BNC2: variants seen among roughly 807,000 people sequenced by gnomAD.
BNC2 encodes zinc finger protein basonuclin-2.
Under a neutral mutation model 76.3 loss-of-function variants are expected in BNC2, and 20 were observed. That is an observed-to-expected ratio of 0.26 (90% CI 0.18 to 0.38). The LOEUF is 0.38. Among genes scored for constraint, BNC2 ranks in the 10% least tolerant of loss-of-function variants. The pLI is 1.00. For missense variants in BNC2, 1,382 were observed against 1,399.8 expected (o/e 0.99, Z 0.20); for synonymous variants, 582 against 514.8 (o/e 1.13, Z -1.77).
At chr9:16,738,313 C>T (rs564871893) in intron 2 of BNC2, 47 bp downstream of exon 2, 113 of 1,582,266 alleles carry the variant, frequency 7.1e-5, no homozygotes, top group South Asian at 1.2e-4. Flanking sequence ...TCAAAGAATG[C>T]AAGTGTGTCC....
intron 3 of BNC2, among the ~76,000 whole-genome samples, chr9:16,597,961 C>G (rs904134275): frequency 4.6e-5 from 7 of 152,074 alleles, no homozygotes; most frequent in Non-Finnish European, 1.0e-4. Flanking sequence ...GACTGCAAAT[C>G]AGTAATTTGT....
chr9:16,420,626 A>G (rs1201986276), intron 6 of BNC2, among the ~76,000 whole-genome samples: 1 of 152,066 alleles, frequency 6.6e-6, no homozygotes, highest in Non-Finnish European at 1.5e-5. Flanking sequence ...TTCTTCGACA[A>G]GCAAAACTTT....
intron 1 of BNC2, among the ~76,000 whole-genome samples, chr9:16,751,199 A>T (rs1018897186): frequency 2.0e-5 from 3 of 152,078 alleles, no homozygotes; most frequent in East Asian, 3.9e-4. Context: ...ACTGTGAAAT[A>T]AAAAAAACTA....
At chr9:16,650,038 G>A (rs565560013) in intron 3 of BNC2, among the ~76,000 whole-genome samples, 2 of 152,268 alleles carry the variant, frequency 1.3e-5, no homozygotes, top group South Asian at 4.1e-4. Context: ...CCTGCAGTCA[G>A]CACTCAACCC....
intron 5 of BNC2, among the ~76,000 whole-genome samples, chr9:16,454,944 C>CA (rs1437971073): frequency 1.3e-5 from 2 of 151,864 alleles, no homozygotes; most frequent in Admixed American, 6.6e-5. Context: ...GTTTTAAGGG[C>CA]AAAAACTTAA....
At chr9:16,720,878 C>A (rs1475667178) in intron 3 of BNC2, among the ~76,000 whole-genome samples, 1 of 152,142 alleles carries the variant, frequency 6.6e-6, no homozygotes, top group Non-Finnish European at 1.5e-5. Context: ...CTACATACAG[C>A]ATTTGAACAG....
At chr9:16,499,607 G>A (rs1418826636) in intron 5 of BNC2, among the ~76,000 whole-genome samples, 1 of 143,090 alleles carries the variant, frequency 7.0e-6, no homozygotes, top group East Asian at 2.1e-4. Flanking sequence ...TCAGCTCACT[G>A]TAACTTCTGC....
intron 1 of BNC2, among the ~76,000 whole-genome samples, chr9:16,861,205 T>TATATATATA (rs1241413014): frequency 4.9e-5 from 7 of 141,546 alleles, no homozygotes; most frequent in African/African-American, 1.1e-4. Context: ...TATATATAAA[T>TATATATATA]TAACCAGGCA....
At chr9:16,713,994 C>T (rs945775195) in intron 3 of BNC2, among the ~76,000 whole-genome samples, 2 of 152,178 alleles carry the variant, frequency 1.3e-5, no homozygotes. Context: ...GGACTGCTTG[C>T]GCCTGGGCGG....
chr9:16,555,270 G>A (rs564534901), intron 4 of BNC2, among the ~76,000 whole-genome samples: 5 of 151,820 alleles, frequency 3.3e-5, no homozygotes, highest in South Asian at 2.1e-4. Flanking sequence ...TGATCCACCC[G>A]CCTCGGCCTC....
intron 3 of BNC2, among the ~76,000 whole-genome samples, chr9:16,710,893 A>G (rs1315365759): frequency 1.3e-5 from 2 of 152,202 alleles, no homozygotes; most frequent in South Asian, 2.1e-4. Flanking sequence ...GGGAAAATGA[A>G]GAAAAACCTA....
chr9:16,523,691 G>A (rs1229362700), intron 5 of BNC2, among the ~76,000 whole-genome samples: 3 of 152,030 alleles, frequency 2.0e-5, no homozygotes, highest in Admixed American at 1.3e-4. Flanking sequence ...ACCAGAGGCC[G>A]AGGCGGGCGG....
intron 3 of BNC2, among the ~76,000 whole-genome samples, chr9:16,596,990 A>G (rs1820106368): frequency 6.6e-6 from 1 of 152,172 alleles, no homozygotes; most frequent in Admixed American, 6.5e-5. Flanking sequence ...CCTCTCTCTC[A>G]AAATGCTATT....
At chr9:16,712,937 T>C (rs776816653) in intron 3 of BNC2, among the ~76,000 whole-genome samples, 3 of 152,184 alleles carry the variant, frequency 2.0e-5, no homozygotes, top group Non-Finnish European at 2.9e-5. Flanking sequence ...GATGGTTTAT[T>C]AACTGAGGTA....
At chr9:16,798,202 C>G (rs1817701355) in intron 1 of BNC2, among the ~76,000 whole-genome samples, 1 of 152,288 alleles carries the variant, frequency 6.6e-6, no homozygotes, top group Non-Finnish European at 1.5e-5. Flanking sequence ...GGAAGCTATG[C>G]AGATTCGAAT....
intron 5 of BNC2, among the ~76,000 whole-genome samples, chr9:16,441,003 T>C (rs1225384324): frequency 6.6e-6 from 1 of 152,196 alleles, no homozygotes; most frequent in African/African-American, 2.4e-5. Flanking sequence ...TAGAGTCCCC[T>C]TGATAGTGCC....
chr9:16,699,037 C>T (rs1823430713), intron 3 of BNC2: 1 of 357,040 alleles, frequency 2.8e-6, no homozygotes, highest in South Asian at 2.2e-5. Flanking sequence ...TTTTATAAAG[C>T]ACTGGGTTTT....
At position 16,868,979 on chromosome 9, in the gene BNC2, G is replaced by A. The variant is rs1262964427; in HGVS notation, c.3+1667C>T. On this transcript the variant is annotated intron_variant, in intron 1 of 6. Transcript: ENST00000380672. ...ATTGCAGAATACAAAGCAGTGGAAG[G>A]CAGACAGGCTTAGCCACAGTTCAAA... Among the ~76,000 whole-genome samples, 3 of 152,190 alleles carry A rather than the reference G, an allele frequency of 2.0e-5. No homozygotes were observed. The East Asian group carries it at 5.8e-4, about 29-fold the overall frequency.
intron 6 of BNC2, chr9:16,421,309 A>G: frequency 7.7e-7 from 1 of 1,292,492 alleles, no homozygotes; most frequent in Non-Finnish European, 1.0e-6. Context: ...AATCGATCAC[A>G]AAAGAAAGCA....
Sources: allele counts gnomAD v4.1 joint callset (sites outside exome capture counted in the v4.1 genomes callset), GRCh38; gene constraint gnomAD v4.1.1; transcripts MANE v1.5; gene names NCBI Gene and HGNC (gene_info 2026-07-23, HGNC 2026-07-21).